CPHXL2: variants seen among roughly 807,000 people sequenced by gnomAD.
CPHXL2 encodes the protein cytoplasmic polyadenylated homeobox like 2, also known as cytoplasmic polyadenylated homeobox-like protein 2.
At chr16:75,667,407 T>C in the CPHXL2 span, among the ~76,000 whole-genome samples, 5 of 152,196 alleles carry the variant, frequency 3.3e-5, no homozygotes, top group African/African-American at 1.2e-4. Context: ...TCTGTATTCT[T>C]ATTCTAGTTT....
the CPHXL2 span, among the ~76,000 whole-genome samples, chr16:75,676,774 TAAA>T: frequency 6.6e-6 from 1 of 152,214 alleles, no homozygotes; most frequent in African/African-American, 2.4e-5. Context: ...AAGAATTTTA[TAAA>T]CAAGAATCAT....
the CPHXL2 span, among the ~76,000 whole-genome samples, chr16:75,664,483 G>C: frequency 4.3e-4 from 65 of 152,140 alleles, no homozygotes; most frequent in Admixed American, 6.6e-4. Flanking sequence ...AAATTAGCTA[G>C]GCATGGCGGC....
the CPHXL2 span, among the ~76,000 whole-genome samples, chr16:75,674,060 C>T: frequency 6.8e-6 from 1 of 146,066 alleles, no homozygotes; most frequent in Non-Finnish European, 1.5e-5. Context: ...TTATGAATAA[C>T]TTTAACAAAA....
the CPHXL2 span, among the ~76,000 whole-genome samples, chr16:75,670,224 T>C: frequency 6.6e-6 from 1 of 152,190 alleles, no homozygotes; most frequent in African/African-American, 2.4e-5. Flanking sequence ...AGAATTTATC[T>C]TTAAAATTAG....
chr16:75,677,009 C>G, the CPHXL2 span: 1 of 398,544 alleles, frequency 2.5e-6, no homozygotes, highest in Middle Eastern at 6.3e-4. Flanking sequence ...TGTCGAAACT[C>G]CAGTCCAGGG....
the CPHXL2 span, chr16:75,676,850 C>T: frequency 2.5e-6 from 1 of 397,642 alleles, no homozygotes; most frequent in African/African-American, 2.1e-5. Flanking sequence ...GTTGTACCCC[C>T]AGTGAATAAT....
At chr16:75,661,458 GAACCAT>G in the CPHXL2 span, among the ~76,000 whole-genome samples, 2 of 151,980 alleles carry the variant, frequency 1.3e-5, no homozygotes, top group African/African-American at 4.8e-5. Flanking sequence ...TGCATTTCTA[GAACCAT>G]AACCTCCTTC....
chr16:75,667,783 T>C, the CPHXL2 span, among the ~76,000 whole-genome samples: 1 of 152,270 alleles, frequency 6.6e-6, no homozygotes, highest in Non-Finnish European at 1.5e-5. Flanking sequence ...TGTATATTTA[T>C]CTGACATGTG....
At chr16:75,673,047 C>T in the CPHXL2 span, among the ~76,000 whole-genome samples, 1 of 124,602 alleles carries the variant, frequency 8.0e-6, no homozygotes, top group African/African-American at 3.2e-5. Context: ...TGCACTCCAG[C>T]TGGGGATGAC....
chr16:75,660,681 C>T, the CPHXL2 span: 1 of 398,556 alleles, frequency 2.5e-6, no homozygotes, highest in Non-Finnish European at 4.4e-6. Flanking sequence ...CCCGTAAGCA[C>T]CTTGAGCGTA....
the CPHXL2 span, among the ~76,000 whole-genome samples, chr16:75,676,124 A>T: frequency 6.6e-6 from 1 of 152,128 alleles, no homozygotes; most frequent in Non-Finnish European, 1.5e-5. Flanking sequence ...AGCTTACGTT[A>T]CACGTGACCT....
the CPHXL2 span, among the ~76,000 whole-genome samples, chr16:75,667,072 G>A: frequency 4.6e-5 from 7 of 152,208 alleles, no homozygotes; most frequent in African/African-American, 1.7e-4. Flanking sequence ...AGCACTTTGG[G>A]AGGCTGAGGC....
At chr16:75,671,361 CAAAAAA>C in the CPHXL2 span, among the ~76,000 whole-genome samples, 3 of 126,396 alleles carry the variant, frequency 2.4e-5, no homozygotes, top group African/African-American at 6.0e-5. Context: ...GACTCTGTAT[CAAAAAA>C]AAAAAAAAAA....
At chr16:75,676,975 A>G in the CPHXL2 span, 1 of 398,580 alleles carries the variant, frequency 2.5e-6, no homozygotes, top group East Asian at 3.6e-5. Context: ...GTTCTCTACC[A>G]AAGGCACTCA....
chr16:75,664,391 C>A, the CPHXL2 span, among the ~76,000 whole-genome samples: 1 of 151,976 alleles, frequency 6.6e-6, no homozygotes, highest in Non-Finnish European at 1.5e-5. Context: ...TTTTGGAGGC[C>A]GAGGTGGGCA....
At chr16:75,670,324 G>A in the CPHXL2 span, among the ~76,000 whole-genome samples, 1 of 152,124 alleles carries the variant, frequency 6.6e-6, no homozygotes, top group East Asian at 1.9e-4. Context: ...CAGGATATGG[G>A]CTACTGAGGG....
the CPHXL2 span, among the ~76,000 whole-genome samples, chr16:75,671,130 C>T: frequency 1.3e-5 from 2 of 152,202 alleles, no homozygotes; most frequent in African/African-American, 4.8e-5. Flanking sequence ...CGCCTATAAT[C>T]CCAGCATTCT....
the CPHXL2 span, among the ~76,000 whole-genome samples, chr16:75,673,374 G>A: frequency 6.6e-6 from 1 of 152,012 alleles, no homozygotes; most frequent in African/African-American, 2.4e-5. Context: ...TTTGGAGGCT[G>A]CAGTGAATGG....
chr16:75,663,461 C>G, the CPHXL2 span, among the ~76,000 whole-genome samples: 1 of 152,184 alleles, frequency 6.6e-6, no homozygotes, highest in African/African-American at 2.4e-5. Flanking sequence ...CTCCTCTCAG[C>G]CAAGGGCTGT....
Sources: gnomAD v4.1 joint callset for allele counts (sites outside exome capture counted in the v4.1 genomes callset) on GRCh38, gnomAD v4.1.1 for gene constraint, MANE v1.5 for transcripts, NCBI Gene and HGNC (gene_info 2026-07-23, HGNC 2026-07-21) for gene names.